Variants in LHPP observed in about 807,000 individuals in gnomAD.
LHPP encodes phospholysine phosphohistidine inorganic pyrophosphate phosphatase, also known as hLHPP.
LHPP carries 24 observed loss-of-function variants against 30.3 expected under a neutral mutation model. That is an observed-to-expected ratio of 0.79 (90% confidence interval 0.57 to 1.11). The LOEUF (loss-of-function observed/expected upper bound fraction) is 1.11, where lower values mean the gene tolerates loss of function less well. Among genes scored for constraint, LHPP ranks in the 50% most tolerant of loss-of-function variants. The pLI is 0.00. For missense variants in LHPP, 356 were observed against 367.2 expected, an observed-to-expected ratio of 0.97 and a Z score of 0.25; for synonymous variants, 150 against 157.1, an observed-to-expected ratio of 0.95 and a Z score of 0.34.
chr10:124,560,851 AGAG>A (rs138425023), intron 6 of LHPP, among the ~76,000 whole-genome samples: 1,829 of 152,318 alleles, frequency 0.012, 29 homozygotes, highest in African/African-American at 0.042. Flanking sequence ...CCTGGCTGCA[AGAG>A]GAGAAAATCA....
chr10:124,461,969 C>T lies in LHPP; in HGVS notation c.107C>T (p.Ser36Leu). 2 of 1,219,692 alleles carry T rather than the reference C, an allele frequency of 1.6e-6. No individual in the cohort carries two copies. The highest frequency in any genetic ancestry group is 2.0e-6 in the Non-Finnish European group (2 of 977,106). 75.6% of individuals were successfully genotyped at this position (1,219,692 alleles called of 1,614,324 possible). A position where few individuals can be genotyped will look rare whatever the true frequency, so the allele number is the denominator to read the frequency against. ...GGCGGCGGCACGGCCATCGCCGGCT[C>T]GGTGGAGGCGGTGGCCAGGTGAGTG... Reference protein sequence around the residue: ...GAGGGTAIAGSVEAVARLKRS... With the variant: ...GAGGGTAIAGLVEAVARLKRS... The change falls in exon 1 of 7, where the codon TCG becomes TTG. Residue 36 changes from serine to leucine, a missense_variant. Physicochemically the swap from Ser to Leu is moderately radical, Grantham distance 145. Coordinates refer to ENST00000368842, the MANE Select transcript of LHPP (RefSeq NM_022126.4).
intron 6 of LHPP, among the ~76,000 whole-genome samples, chr10:124,602,841 C>T (rs1424489626): frequency 6.6e-6 from 1 of 152,222 alleles, no homozygotes; most frequent in Non-Finnish European, 1.5e-5. Flanking sequence ...GATCCAAGGC[C>T]GAGGGGCAGG....
intron 6 of LHPP, among the ~76,000 whole-genome samples, chr10:124,600,125 G>A (rs1949002595): frequency 6.6e-6 from 1 of 152,224 alleles, no homozygotes; most frequent in African/African-American, 2.4e-5. Context: ...TGGGTAAGCA[G>A]AGGCCAGCTC....
At chr10:124,586,804 TA>T (rs1316803395) in intron 6 of LHPP, among the ~76,000 whole-genome samples, 1 of 152,240 alleles carries the variant, frequency 6.6e-6, no homozygotes, top group Non-Finnish European at 1.5e-5. Context: ...TTTGCTCATT[TA>T]AACAGACCTT....
intron 6 of LHPP, among the ~76,000 whole-genome samples, chr10:124,591,123 G>T (rs1948878349): frequency 6.6e-6 from 1 of 152,234 alleles, no homozygotes; most frequent in Non-Finnish European, 1.5e-5. Flanking sequence ...GTTAACTGCT[G>T]CTTCGGGGTC....
intron 6 of LHPP, among the ~76,000 whole-genome samples, chr10:124,540,736 G>A (rs551791881): frequency 1.3e-5 from 2 of 152,108 alleles, no homozygotes; most frequent in Admixed American, 6.6e-5. Flanking sequence ...TTCTCCAGCC[G>A]GCCCTACAGA....
chr10:124,549,754 G>T (rs1276301425), intron 6 of LHPP, among the ~76,000 whole-genome samples: 2 of 152,240 alleles, frequency 1.3e-5, no homozygotes, highest in Non-Finnish European at 2.9e-5. Context: ...GCCGGGGTGG[G>T]CATGGCCGGG....
At chr10:124,490,016 G>A (rs1016546724) in intron 3 of LHPP, 3 of 169,640 alleles carry the variant, frequency 1.8e-5, no homozygotes, top group South Asian at 2.6e-4. Context: ...GCCATCTGTG[G>A]GTATCTCTCT....
rs117202115 is a variant in LHPP, at chr10:124,515,019, C to G, written c.625-2161C>G. 1.2e-3 allele frequency among the ~76,000 whole-genome samples: 178 copies of G among 152,214 alleles called. 4 individuals are homozygous for G. In the East Asian group the frequency reaches 0.025, roughly 21 times the overall value. On this transcript the variant is annotated intron_variant, in intron 5 of 6. Coordinates refer to ENST00000368842, the MANE Select transcript of LHPP (RefSeq NM_022126.4). ...GTCTTGCGGTGTTGCCTAGGCTGGC[C>G]TTGGACTCCTGGGCTCAAGTGATCC...
intron 5 of LHPP, among the ~76,000 whole-genome samples, chr10:124,506,698 C>A (rs75439591): frequency 4.9e-4 from 17 of 34,926 alleles, no homozygotes; most frequent in South Asian, 2.6e-3. Flanking sequence ...TTCAGGTTGG[C>A]GGGTAGGGAA....
At chr10:124,574,387 C>T (rs527786422) in intron 6 of LHPP, among the ~76,000 whole-genome samples, 19 of 152,244 alleles carry the variant, frequency 1.2e-4, no homozygotes, top group Admixed American at 5.9e-4. Flanking sequence ...GAGGGGCCCT[C>T]GGCATAGTCC....
At position 124,572,634 on chromosome 10, in the gene LHPP, A is replaced by G. The variant is rs868212750; in HGVS notation, c.717-40630A>G. 3.1e-3 allele frequency among the ~76,000 whole-genome samples: 437 copies of G among 138,910 alleles called. 3 individuals carry two copies. Among genetic ancestry groups the G allele is most frequent in the African/African-American group, 0.011 (420 of 36,810 alleles). 91.1% of individuals were successfully genotyped at this position (138,910 alleles called of 152,430 possible). ...CGACAGAGCGAGACTCCATCTCAAA[A>G]AAAGAAAGAAAGTAAGAAAGGAAAG... is the stretch of plus-strand genomic sequence containing the variant. On this transcript the variant is annotated intron_variant, in intron 6 of 6. Coordinates refer to ENST00000368842, the MANE Select transcript of LHPP (RefSeq NM_022126.4).
rs143948121 is a variant in LHPP, at chr10:124,488,489, A to G, written c.381A>G (p.Gly127=). ...NPNCVVIADA[G]ESFSYQNMNN... ...ACTGTGTGGTAATTGCAGACGCAGG[A>G]GAAAGCTTTTCTTATCAAAACATGA... Residue 127 remains glycine (G), a synonymous_variant, in exon 3 of 7, where the codon GGA becomes GGG. Transcript: ENST00000368842. 29 of 1,613,942 alleles carry G rather than the reference A, an allele frequency of 1.8e-5. No homozygotes were observed. Among genetic ancestry groups the G allele is most frequent in the Non-Finnish European group, 2.3e-5 (27 of 1,179,988 alleles).
chr10:124,511,565 C>T (rs1257651459), intron 5 of LHPP, among the ~76,000 whole-genome samples: 4 of 152,198 alleles, frequency 2.6e-5, no homozygotes, highest in Admixed American at 2.6e-4. Context: ...CTCCTCCGAG[C>T]TCTCTCTCAG....
At chr10:124,532,571 A>G (rs1053291474) in intron 6 of LHPP, among the ~76,000 whole-genome samples, 1 of 152,150 alleles carries the variant, frequency 6.6e-6, no homozygotes, top group Non-Finnish European at 1.5e-5. Context: ...GCTCTATCCC[A>G]TGTAGAGCCA....
chr10:124,474,430 G>A (rs1479698222), intron 1 of LHPP, among the ~76,000 whole-genome samples: 3 of 152,128 alleles, frequency 2.0e-5, no homozygotes, highest in South Asian at 2.1e-4. Context: ...ATGAACCACC[G>A]TGCCCGGCCA....
At chr10:124,567,820 C>T (rs1948517303) in intron 6 of LHPP, among the ~76,000 whole-genome samples, 1 of 152,264 alleles carries the variant, frequency 6.6e-6, no homozygotes, top group Non-Finnish European at 1.5e-5. Flanking sequence ...ACACACTGTA[C>T]CCACGTGCAC....
intron 6 of LHPP, among the ~76,000 whole-genome samples, chr10:124,533,893 A>G (rs1954956084): frequency 6.6e-6 from 1 of 152,246 alleles, no homozygotes; most frequent in South Asian, 2.1e-4. Flanking sequence ...TGGGATATGG[A>G]ATGCAGGGGC....
At chr10:124,570,982 C>T (rs1338042331) in intron 6 of LHPP, among the ~76,000 whole-genome samples, 1 of 152,176 alleles carries the variant, frequency 6.6e-6, no homozygotes, top group African/African-American at 2.4e-5. Flanking sequence ...GCAGGTCTTT[C>T]CCATGTTGTT....
Sources: gnomAD v4.1 joint callset for allele counts (sites outside exome capture counted in the v4.1 genomes callset) on GRCh38, gnomAD v4.1.1 for gene constraint, MANE v1.5 for transcripts, NCBI Gene and HGNC (gene_info 2026-07-23, HGNC 2026-07-21) for gene names.